The following KATNA1 variants were observed in gnomAD, a reference collection of about 807,000 sequenced individuals.
The protein encoded by KATNA1 is katanin catalytic subunit A1, also known as katanin p60 ATPase-containing subunit A1.
In KATNA1, 42 loss-of-function variants were observed where a neutral mutation model predicts 62.6. The ratio of observed to expected loss-of-function variants is 0.67; its 90% CI spans 0.52 to 0.87. KATNA1 has a LOEUF of 0.87. KATNA1 is among the 40% of genes least tolerant of loss of function. KATNA1 has a pLI of 0.00. For synonymous variants in KATNA1, 186 were observed against 201.9 expected (o/e 0.92, Z 0.67); for missense variants, 498 against 612.5 (o/e 0.81, Z 1.97).
intron 4 of KATNA1, among the ~76,000 whole-genome samples, chr6:149,605,431 G>C (rs1244463759): frequency 6.6e-6 from 1 of 152,148 alleles, no homozygotes; most frequent in Non-Finnish European, 1.5e-5. Flanking sequence ...ATTTAGCCAA[G>C]ACTATGGCTC....
rs1276782596 is a variant in KATNA1 at position 149,644,746 on chromosome 6, G to A, written c.-14+3723C>T. Among the ~76,000 whole-genome samples, 4 of 152,140 alleles carry A rather than the reference G, an allele frequency of 2.6e-5. No homozygotes were observed. The East Asian group carries it at 7.7e-4, about 29-fold the overall frequency. On this transcript the variant is annotated intron_variant, in intron 1 of 10. Transcript: ENST00000367411. ...CCAAAACTCATACAAGTCCCTCCAA[G>A]CCTTCTTTAAAGGTTCCATGTTTTG...
chr6:149,625,472 T>C (rs1007838178), intron 3 of KATNA1, among the ~76,000 whole-genome samples: 8 of 151,608 alleles, frequency 5.3e-5, no homozygotes, highest in African/African-American at 1.9e-4. Context: ...CTACTAAAAA[T>C]ACAAAAAATT....
rs370999294 is a variant in KATNA1 at position 149,598,026 on chromosome 6, T to C, written c.1015+198A>G. ...CCTGTGTGTGGCCATTAATTCTGAC[T>C]TGTCACCACTGTCAGTGTACCAAAT... is the stretch of plus-strand genomic sequence containing the variant. On this transcript the variant is annotated intron_variant, in intron 8 of 10. Coordinates refer to ENST00000367411, the MANE Select transcript of KATNA1 (RefSeq NM_007044.4). 6.1e-5 allele frequency: 34 copies of C among 559,938 alleles called. 1 individual carries two copies. Among genetic ancestry groups the C allele is most frequent in the East Asian group, 4.5e-4 (15 of 33,424 alleles). The allele number at this position is 559,938 out of a possible 1,614,324, so 34.7% of individuals were successfully genotyped here.
intron 3 of KATNA1, among the ~76,000 whole-genome samples, chr6:149,628,377 G>C (rs1182062771): frequency 6.6e-6 from 1 of 150,710 alleles, no homozygotes; most frequent in Non-Finnish European, 1.5e-5. Flanking sequence ...CCAAAGTGCT[G>C]GGATTACAGG....
At chr6:149,615,547 G>C (rs1005233610) in intron 4 of KATNA1, among the ~76,000 whole-genome samples, 3 of 152,086 alleles carry the variant, frequency 2.0e-5, no homozygotes, top group Non-Finnish European at 4.4e-5. Context: ...GGCATATAAA[G>C]ACTGAAATAA....
chr6:149,623,344 C>G, intron 3 of KATNA1, 61 bp from the exon 4 acceptor site: 1 of 1,240,728 alleles, frequency 8.1e-7, no homozygotes, highest in Non-Finnish European at 1.1e-6. Context: ...AACACACATA[C>G]TGTGTAAGTT....
At chr6:149,645,888 T>C (rs1780468275) in intron 1 of KATNA1, among the ~76,000 whole-genome samples, 2 of 151,968 alleles carry the variant, frequency 1.3e-5, no homozygotes, top group South Asian at 4.1e-4. Flanking sequence ...TTTTTTTTTC[T>C]CCTCTAGGAT....
intron 4 of KATNA1, among the ~76,000 whole-genome samples, chr6:149,613,200 A>T (rs983327650): frequency 7.0e-6 from 1 of 142,268 alleles, no homozygotes; most frequent in African/African-American, 2.6e-5. Flanking sequence ...AAAAAAAAAA[A>T]AAAAAAAAAA....
intron 4 of KATNA1, among the ~76,000 whole-genome samples, chr6:149,606,279 G>T (rs1216927069): frequency 6.6e-6 from 1 of 152,086 alleles, no homozygotes; most frequent in East Asian, 1.9e-4. Context: ...TTCATAAGTG[G>T]ATGGGTATCC....
At chr6:149,613,455 A>C (rs1779044587) in intron 4 of KATNA1, among the ~76,000 whole-genome samples, 2 of 152,170 alleles carry the variant, frequency 1.3e-5, no homozygotes, top group South Asian at 4.1e-4. Flanking sequence ...TTGTCCACAC[A>C]GAAAATACTA....
Position 149,632,796 on chromosome 6 carries a change from C to T in KATNA1, c.283G>A (p.Gly95Arg). 1.2e-6 allele frequency: 2 copies of T among 1,613,584 alleles called. No homozygotes were observed. The highest frequency in any genetic ancestry group is 1.7e-6 in the Non-Finnish European group (2 of 1,179,878). ...GGTACAGGCATGGACCAGACTTCTC[C>T]CTCAGAAGCTGGAAGGTCATGCTGT... ...AAQHDLPASE[G>R]EVWSMPVPVE... The change falls in exon 3 of 11, where the codon GGA (glycine) becomes AGA (arginine). Residue 95 changes from glycine (G) to arginine (R), a missense_variant. Physicochemically the swap from Gly to Arg is moderately radical, Grantham distance 125. This residue lies in a region of KATNA1 where 203 missense variants were observed against 198.4 expected (regional missense o/e 1.02). Coordinates refer to ENST00000367411, the MANE Select transcript of KATNA1 (RefSeq NM_007044.4).
At position 149,632,910 on chromosome 6, in the gene KATNA1, G is replaced by C; in HGVS notation, c.169C>G (p.Gln57Glu). Residue 57 changes from glutamine to glutamate, a missense_variant, in exon 3 of 11, where the codon CAG (glutamine) becomes GAG (glutamate). Gln to Glu is a conservative substitution (Grantham distance 29). This residue lies in a region of KATNA1 where 203 missense variants were observed against 198.4 expected (regional missense o/e 1.02). Coordinates refer to ENST00000367411, the MANE Select transcript of KATNA1 (RefSeq NM_007044.4). ...YLQQKWQQVW[Q>E]EINVEAKHVK... ...TGTTTAGCTTCCACATTTATTTCCT[G>C]CCAAACCTGATTTCAAAGAAGAAGA... 1 of 1,598,990 alleles carries C rather than the reference G, an allele frequency of 6.3e-7. No homozygotes were observed. Among genetic ancestry groups the C allele is most frequent in the Non-Finnish European group, 8.5e-7 (1 of 1,175,952 alleles).
chr6:149,637,537 A>G (rs904970321), intron 2 of KATNA1, among the ~76,000 whole-genome samples: 1 of 151,538 alleles, frequency 6.6e-6, no homozygotes, highest in African/African-American at 2.4e-5. Flanking sequence ...TTGTTTTAAA[A>G]AACTCTTGGC....
At chr6:149,636,810 T>C (rs1013332028) in intron 2 of KATNA1, among the ~76,000 whole-genome samples, 1 of 151,862 alleles carries the variant, frequency 6.6e-6, no homozygotes, top group African/African-American at 2.4e-5. Flanking sequence ...CCAGCTAATT[T>C]TTTTGTATTT....
Position 149,623,212 on chromosome 6 carries a change from C to G in KATNA1, c.392G>C (p.Ser131Thr). ...SDPKSHGNRP[S>T]TTVRVHRSSA... Reference sequence around the variant, plus strand: ...TGAACGGTGAACTCTGACAGTTGTACTTGGACGATTACCATGTGATTTAGG... The same window carrying G: ...TGAACGGTGAACTCTGACAGTTGTAGTTGGACGATTACCATGTGATTTAGG... Residue 131 changes from serine (S) to threonine (T), a missense_variant, in exon 4 of 11, where the codon AGT (serine) becomes ACT (threonine). Around this residue, in one of 3 missense-constraint regions of KATNA1, gnomAD observed 203 missense variants for 198.4 expected, o/e 1.02. Transcript: ENST00000367411. The G allele has an allele frequency of 6.2e-7, 1 of 1,613,772 alleles. No individual in the cohort carries two copies. Among genetic ancestry groups the G allele is most frequent in the Non-Finnish European group, 8.5e-7 (1 of 1,179,872 alleles).
rs1307524405 is a variant in KATNA1 at position 149,615,249 on chromosome 6, G to T, written c.501+7854C>A. ...GATGGAGTTTTGCTCTGTCGTCCAG[G>T]CTGGGGGTGCAATGGTGCAATCTTG... On this transcript the variant is annotated intron_variant, in intron 4 of 10. Transcript: ENST00000367411. Among the ~76,000 whole-genome samples, 7 of 150,726 alleles carry T rather than the reference G, an allele frequency of 4.6e-5. No individual in the cohort carries two copies. In the East Asian group the frequency reaches 1.4e-3, roughly 29 times the overall value.
At chr6:149,628,338 C>T (rs1305963265) in intron 3 of KATNA1, among the ~76,000 whole-genome samples, 5 of 148,808 alleles carry the variant, frequency 3.4e-5, no homozygotes, top group African/African-American at 1.3e-4. Context: ...TTCGAACTCC[C>T]GACCTTGGCA....
chr6:149,600,007 G>A (rs1213909935), intron 7 of KATNA1, among the ~76,000 whole-genome samples: 1 of 151,886 alleles, frequency 6.6e-6, no homozygotes, highest in Non-Finnish European at 1.5e-5. Context: ...GACAAAATGA[G>A]GGCTAACTTT....
chr6:149,640,085 G>T (rs1780223322), intron 1 of KATNA1, among the ~76,000 whole-genome samples: 1 of 152,092 alleles, frequency 6.6e-6, no homozygotes, highest in Non-Finnish European at 1.5e-5. Flanking sequence ...AATATCTGTG[G>T]AACTGCCATA....
Sources: allele counts gnomAD v4.1 joint callset (sites outside exome capture counted in the v4.1 genomes callset), GRCh38; gene constraint gnomAD v4.1.1; regional missense constraint gnomAD v4.1.1; transcripts MANE v1.5; gene names NCBI Gene and HGNC (gene_info 2026-07-23, HGNC 2026-07-21).